RAPGEF5: variants seen among roughly 807,000 people sequenced by gnomAD.
RAPGEF5 encodes the protein Rap guanine nucleotide exchange factor 5.
Under a neutral mutation model 125.2 loss-of-function variants are expected in RAPGEF5, and 65 were observed. The observed-to-expected ratio is 0.52, with a 90% CI of 0.43 to 0.64. RAPGEF5 has a LOEUF of 0.64. RAPGEF5 is among the 30% of genes least tolerant of loss of function. RAPGEF5 has a pLI of 0.00. For synonymous variants in RAPGEF5, 391 were observed against 385.9 expected, an observed-to-expected ratio of 1.01 and a Z score of -0.16; for missense variants, 958 against 1,048.1, an observed-to-expected ratio of 0.91 and a Z score of 1.19.
chr7:22,357,088 C>A lies in RAPGEF5; in HGVS notation c.-28G>T, dbSNP rs1251412102. 13 of 1,011,698 alleles carry A rather than the reference C, an allele frequency of 1.3e-5. No homozygotes were observed. The highest frequency in any genetic ancestry group is 1.4e-5 in the Non-Finnish European group (12 of 843,602). The allele number at this position is 1,011,698 out of a possible 1,614,324, so 62.7% of individuals were successfully genotyped here. On this transcript the variant is annotated 5_prime_UTR_variant, in exon 1 of 26. Coordinates refer to ENST00000665637, the MANE Select transcript of RAPGEF5 (RefSeq NM_012294.5). ...CCTGACGGCGCTGCGGCGCCGGGGG[C>A]TCCTCTCCACCGCGCTCGCCTCCGC...
At chr7:22,284,948 C>T (rs1782762104) in intron 6 of RAPGEF5, among the ~76,000 whole-genome samples, 1 of 152,268 alleles carries the variant, frequency 6.6e-6, no homozygotes, top group South Asian at 2.1e-4. Flanking sequence ...CCAATAAACC[C>T]ATCATAAATT....
chr7:22,284,067 C>CTGTGTGTGTGTGTG, intron 6 of RAPGEF5, among the ~76,000 whole-genome samples: 1 of 149,684 alleles, frequency 6.7e-6, no homozygotes, highest in South Asian at 2.1e-4. Context: ...TTTTAAAAAG[C>CTGTGTGTGTGTGTG]TGTGTGTGTG....
Position 22,242,673 on chromosome 7 carries a change from T to C in RAPGEF5, c.797-11754A>G, listed in dbSNP as rs947714200. The stretch of plus-strand genomic sequence containing the variant: ...TCATTATGAAAAGAGTTCAAATTGC[T>C]GGGCGCGGTGGCTCACGCCTGTAAT... On this transcript the variant is annotated intron_variant, in intron 7 of 25. Transcript: ENST00000665637. Among the ~76,000 whole-genome samples the C allele has an allele frequency of 3.9e-5, 6 of 152,134 alleles. No homozygotes were observed. The East Asian group carries it at 9.7e-4, about 25-fold the overall frequency.
At chr7:22,266,015 T>G (rs1251011681) in intron 7 of RAPGEF5, among the ~76,000 whole-genome samples, 1 of 152,160 alleles carries the variant, frequency 6.6e-6, no homozygotes, top group Non-Finnish European at 1.5e-5. Flanking sequence ...ACAAAGAAAG[T>G]AATATGAATG....
At chr7:22,315,547 CTATATATATATA>C (rs5882843) in intron 2 of RAPGEF5, 71 bp from the exon 3 acceptor site, 1 of 413,648 alleles carries the variant, frequency 2.4e-6, no homozygotes, top group Non-Finnish European at 3.3e-6. Context: ...CAATAGCATA[CTATATATATATA>C]TATATATATT....
intron 1 of RAPGEF5, among the ~76,000 whole-genome samples, chr7:22,342,987 C>T (rs28503868): frequency 0.16 from 25,055 of 152,190 alleles, 2,284 homozygotes; most frequent in Non-Finnish European, 0.2. Context: ...AGTAGTGCCC[C>T]CACTCTACTG....
intron 23 of RAPGEF5, among the ~76,000 whole-genome samples, chr7:22,132,831 C>G (rs960869574): frequency 6.6e-6 from 1 of 152,146 alleles, no homozygotes; most frequent in African/African-American, 2.4e-5. Context: ...TGCATTAACT[C>G]ATAAGGTAAA....
intron 7 of RAPGEF5, among the ~76,000 whole-genome samples, chr7:22,261,751 A>T (rs1782160931): frequency 6.6e-6 from 1 of 152,198 alleles, no homozygotes; most frequent in Non-Finnish European, 1.5e-5. Context: ...GAACTCAGAA[A>T]TACTCCCATA....
At chr7:22,316,176 A>G (rs1429689515) in intron 2 of RAPGEF5, among the ~76,000 whole-genome samples, 2 of 151,778 alleles carry the variant, frequency 1.3e-5, no homozygotes, top group Non-Finnish European at 2.9e-5. Context: ...TTATAATACT[A>G]CCTCCTTCTC....
chr7:22,243,032 G>C (rs554066229), intron 7 of RAPGEF5, among the ~76,000 whole-genome samples: 17 of 151,818 alleles, frequency 1.1e-4, no homozygotes, highest in Non-Finnish European at 1.9e-4. Context: ...AGTGACAGTG[G>C]GTAGCAACTT....
intron 5 of RAPGEF5, among the ~76,000 whole-genome samples, chr7:22,300,217 C>T (rs191550568): frequency 2.4e-4 from 36 of 152,276 alleles, no homozygotes; most frequent in Admixed American, 1.7e-3. Flanking sequence ...CTTCAGGTCA[C>T]GTCTATTTTG....
Position 22,291,190 on chromosome 7 carries a change from C to T in RAPGEF5, c.732G>A (p.Val244=). The change falls in exon 6 of 26, where the codon GTG becomes GTA. Residue 244 remains valine (V), a synonymous_variant. Coordinates refer to ENST00000665637, the MANE Select transcript of RAPGEF5 (RefSeq NM_012294.5). The part of the protein sequence containing the change: ...DSEESSDEIL[V]RLTSAVQREL... Reference sequence around the variant, plus strand: ...ATGGTCTTACCGCAGATGTTAGACGCACAAGAATTTCATCACTGCTTTCTT... The same window carrying T: ...ATGGTCTTACCGCAGATGTTAGACGTACAAGAATTTCATCACTGCTTTCTT... 6.3e-7 allele frequency: 1 copy of T among 1,588,972 alleles called. No individual in the cohort carries two copies. The highest frequency in any genetic ancestry group is 8.6e-7 in the Non-Finnish European group (1 of 1,168,988).
At chr7:22,166,901 C>T (rs1398012914) in intron 12 of RAPGEF5, among the ~76,000 whole-genome samples, 169 bp downstream of exon 12, 1 of 152,206 alleles carries the variant, frequency 6.6e-6, no homozygotes, top group Non-Finnish European at 1.5e-5. Context: ...TTTCCAGTTT[C>T]CCCTGTCTGT....
Position 22,194,040 on chromosome 7 carries a change from T to C in RAPGEF5, c.997-7A>G, listed in dbSNP as rs779675525. The C allele has an allele frequency of 2.5e-6, 4 of 1,607,912 alleles. No homozygotes were observed. In the African/African-American group the frequency reaches 4.0e-5, roughly 16 times the overall value. ...TCGTCACTTCATCATCTTGCTTTAA[T>C]TGTGGACAGGGATGATGGATGAGAG... On this transcript the variant is annotated splice_region_variant and splice_polypyrimidine_tract_variant and intron_variant, in intron 9 of 25. Transcript: ENST00000665637.
chr7:22,272,948 T>G (rs949846046), intron 6 of RAPGEF5, among the ~76,000 whole-genome samples: 23 of 151,300 alleles, frequency 1.5e-4, no homozygotes, highest in Middle Eastern at 3.4e-3. Flanking sequence ...TTTGTACAGA[T>G]GGGGTTTCAC....
intron 6 of RAPGEF5, among the ~76,000 whole-genome samples, chr7:22,271,075 T>C (rs1782404695): frequency 6.6e-6 from 1 of 152,238 alleles, no homozygotes; most frequent in Non-Finnish European, 1.5e-5. Context: ...ATTTGGTCAC[T>C]ACTTTTGGTC....
intron 14 of RAPGEF5, among the ~76,000 whole-genome samples, chr7:22,158,570 G>A (rs1200284957): frequency 6.6e-6 from 1 of 152,056 alleles, no homozygotes; most frequent in African/African-American, 2.4e-5. Context: ...TTACATTTAG[G>A]GCTTGAATCT....
chr7:22,232,745 C>G (rs1353764445), intron 7 of RAPGEF5, among the ~76,000 whole-genome samples: 1 of 152,206 alleles, frequency 6.6e-6, no homozygotes, highest in African/African-American at 2.4e-5. Context: ...ACCTATAATG[C>G]TGTGCATACA....
intron 7 of RAPGEF5, among the ~76,000 whole-genome samples, chr7:22,242,947 C>CAAAAA (rs537954162): frequency 1.2e-4 from 8 of 65,650 alleles, no homozygotes; most frequent in Non-Finnish European, 2.0e-4. Context: ...AACTCCGTCT[C>CAAAAA]AAAAAAAAAA....
Sources: allele counts gnomAD v4.1 joint callset (sites outside exome capture counted in the v4.1 genomes callset), GRCh38; gene constraint gnomAD v4.1.1; transcripts MANE v1.5; gene names NCBI Gene and HGNC (gene_info 2026-07-23, HGNC 2026-07-21).